The following FARP2 variants were observed in gnomAD, a reference collection of about 807,000 sequenced individuals.
The protein encoded by FARP2 is FERM, ARH/RhoGEF and pleckstrin domain protein 2, also known as FERM, ARHGEF and pleckstrin domain-containing protein 2.
A neutral mutation model predicts 130.5 loss-of-function variants in FARP2; 111 were observed. The observed-to-expected ratio is 0.85, with a 90% CI of 0.73 to 1.00. FARP2 has a LOEUF of 1.00. Ranked by LOEUF, FARP2 falls within the 50% of genes least tolerant of loss-of-function variation. The pLI is 0.00. For missense variants in FARP2, 1,385 were observed against 1,346.3 expected (o/e 1.03, Z -0.45); for synonymous variants, 504 against 516.9 (o/e 0.98, Z 0.34).
chr2:241,374,161 A>G (rs1345403821), intron 2 of FARP2, among the ~76,000 whole-genome samples: 2 of 151,730 alleles, frequency 1.3e-5, no homozygotes, highest in Non-Finnish European at 2.9e-5. Flanking sequence ...ACAAGCATGC[A>G]CCACCACGCC....
At chr2:241,471,927 GGATT>G (rs1419983078) in intron 18 of FARP2, among the ~76,000 whole-genome samples, 162 of 151,948 alleles carry the variant, frequency 1.1e-3, no homozygotes, top group East Asian at 1.5e-3. Flanking sequence ...TGTTCTGAGG[GGATT>G]ATGTTCTGTG....
intron 1 of FARP2, among the ~76,000 whole-genome samples, chr2:241,364,541 AAAAT>A (rs2061260284): frequency 6.6e-6 from 1 of 152,250 alleles, no homozygotes; most frequent in African/African-American, 2.4e-5. Context: ...CTACAGTTAA[AAAAT>A]AAATAAAACT....
rs2063381241 is a variant in FARP2, at chr2:241,441,461, G to A, written c.1316G>A (p.Ser439Asn). 6.2e-7 allele frequency: 1 copy of A among 1,614,210 alleles called. No homozygotes were observed. Among genetic ancestry groups the A allele is most frequent in the Non-Finnish European group, 8.5e-7 (1 of 1,180,032 alleles). Residue 439 changes from serine (S) to asparagine (N), a missense_variant, in exon 13 of 27, where the codon AGT becomes AAT. Transcript: ENST00000264042. ...LTDPQVSYVK[S>N]PAAERRSGAV... ...GATCCCCAGGTTTCCTACGTCAAGA[G>A]TCCAGCTGCAGAGAGGCGCAGTGGA... is the stretch of plus-strand genomic sequence containing the variant.
chr2:241,490,984 C>T (rs993000239), intron 22 of FARP2, 77 bp from the exon 23 acceptor site: 45 of 1,102,432 alleles, frequency 4.1e-5, no homozygotes, highest in African/African-American at 1.4e-4. Flanking sequence ...GGTGCCCTGA[C>T]GGCTCGCCCT....
intron 1 of FARP2, among the ~76,000 whole-genome samples, chr2:241,357,134 G>A (rs1048473804): frequency 1.3e-5 from 2 of 152,212 alleles, no homozygotes; most frequent in Non-Finnish European, 2.9e-5. Context: ...AGGCATCATT[G>A]AAGGAAAGAT....
At chr2:241,411,744 T>C (rs926811513) in intron 6 of FARP2, among the ~76,000 whole-genome samples, 33 of 152,212 alleles carry the variant, frequency 2.2e-4, no homozygotes, top group Admixed American at 2.2e-3. Flanking sequence ...ACAGAACTAA[T>C]GTTTCTGAAA....
At chr2:241,417,816 A>G (rs1325909467) in intron 7 of FARP2, 146 bp from the exon 8 acceptor site, 4 of 814,036 alleles carry the variant, frequency 4.9e-6, no homozygotes, top group Admixed American at 2.7e-5. Flanking sequence ...CTGTTTTTGT[A>G]GTGGGTAAAC....
chr2:241,457,020 C>G, intron 14 of FARP2, 98 bp downstream of exon 14: 1 of 1,125,074 alleles, frequency 8.9e-7, no homozygotes, highest in Non-Finnish European at 1.2e-6. Context: ...TGGGGCGGGG[C>G]AGGGAAGGGC....
chr2:241,395,002 G>A (rs1267700113), intron 2 of FARP2, among the ~76,000 whole-genome samples: 1 of 152,220 alleles, frequency 6.6e-6, no homozygotes, highest in African/African-American at 2.4e-5. Flanking sequence ...TGGAGAGGCC[G>A]TGTGCCAGGC....
At chr2:241,412,620 T>C (rs2062549342) in intron 6 of FARP2, among the ~76,000 whole-genome samples, 2 of 152,202 alleles carry the variant, frequency 1.3e-5, no homozygotes, top group African/African-American at 4.8e-5. Context: ...ATCAAGAAAT[T>C]TGAGAAGGTC....
intron 1 of FARP2, among the ~76,000 whole-genome samples, chr2:241,357,420 T>C (rs2061093981): frequency 6.6e-6 from 1 of 152,184 alleles, no homozygotes; most frequent in South Asian, 2.1e-4. Context: ...AACCTTTACT[T>C]GTAGGCCAAA....
Position 241,494,440 on chromosome 2 carries a change from G to A in FARP2, c.*315G>A, listed in dbSNP as rs374084665. The A allele has an allele frequency of 2.9e-5, 6 of 207,680 alleles. No individual in the cohort carries two copies. Among genetic ancestry groups the A allele is most frequent in the East Asian group, 2.0e-4 (2 of 9,900 alleles). 12.9% of individuals were successfully genotyped at this position (207,680 alleles called of 1,614,324 possible). ...AGGCCTGAGCAGTGCTCTCGGCATC[G>A]GACCAAAGCCTGGGCACACCCTGCC... On this transcript the variant is annotated 3_prime_UTR_variant, in exon 27 of 27. Transcript: ENST00000264042. The surrounding 1 kb of genome is among the most constrained non-coding windows in gnomAD (Gnocchi z 4.9).
chr2:241,416,931 GGTGA>G (rs887396670), intron 7 of FARP2, among the ~76,000 whole-genome samples: 6 of 151,822 alleles, frequency 4.0e-5, no homozygotes, highest in South Asian at 2.1e-4. Flanking sequence ...CGAGTGAGTG[GGTGA>G]GTGAGTGAGT....
intron 17 of FARP2, chr2:241,466,131 C>A: frequency 9.4e-7 from 1 of 1,065,300 alleles, no homozygotes; most frequent in East Asian, 7.4e-5. Flanking sequence ...GTCCACAAAA[C>A]CAAATCTGGG....
intron 2 of FARP2, among the ~76,000 whole-genome samples, chr2:241,395,093 A>G (rs3821280): frequency 0.089 from 13,602 of 152,208 alleles, 623 homozygotes; most frequent in Middle Eastern, 0.15. Context: ...TTGTTCTTCA[A>G]TTGAGGAAGC....
At chr2:241,411,595 A>G (rs187983883) in intron 6 of FARP2, among the ~76,000 whole-genome samples, 4 of 152,364 alleles carry the variant, frequency 2.6e-5, no homozygotes, top group East Asian at 1.9e-4. Flanking sequence ...GAACTGTGTC[A>G]AGAATTATAG....
intron 2 of FARP2, among the ~76,000 whole-genome samples, chr2:241,396,341 A>C (rs1208604985): frequency 6.6e-6 from 1 of 152,170 alleles, no homozygotes; most frequent in Non-Finnish European, 1.5e-5. Flanking sequence ...AATGGGATCT[A>C]ATTAAACTAA....
At chr2:241,406,375 A>G (rs1433424735) in intron 4 of FARP2, among the ~76,000 whole-genome samples, 2 of 151,604 alleles carry the variant, frequency 1.3e-5, no homozygotes, top group Non-Finnish European at 2.9e-5. Flanking sequence ...CTTTATATAT[A>G]TATATATGTA....
intron 15 of FARP2, 114 bp downstream of exon 15, chr2:241,462,726 G>A (rs1487074805): frequency 9.9e-6 from 7 of 709,124 alleles, no homozygotes; most frequent in South Asian, 1.8e-5. Flanking sequence ...GCCTCACTCT[G>A]TCACCCAGGC....
Sources: gnomAD v4.1 joint callset for allele counts (sites outside exome capture counted in the v4.1 genomes callset) on GRCh38, gnomAD v4.1.1 for gene constraint, Gnocchi (gnomAD v3.1) non-coding constraint, MANE v1.5 for transcripts, NCBI Gene and HGNC (gene_info 2026-07-23, HGNC 2026-07-21) for gene names.